MOB1A: variants seen among roughly 807,000 people sequenced by gnomAD.
MOB1A encodes the protein MOB1 Mps One Binder homolog A.
MOB1A carries 10 observed loss-of-function variants against 25.1 expected under a neutral mutation model. That is an observed-to-expected ratio of 0.40 (90% CI 0.25 to 0.68). MOB1A has a LOEUF of 0.68. Among genes scored for constraint, MOB1A ranks in the 30% least tolerant of loss-of-function variants. The probability of loss-of-function intolerance (pLI) is 0.40; values close to 1 mark genes in which losing one functional copy is unlikely to be tolerated. For synonymous variants in MOB1A, 81 were observed against 79.5 expected (o/e 1.02, Z -0.10); for missense variants, 177 against 256.3 (o/e 0.69, Z 2.11).
chr2:74,166,797 C>T (rs1315016742), intron 3 of MOB1A, among the ~76,000 whole-genome samples: 1 of 152,192 alleles, frequency 6.6e-6, no homozygotes, highest in Non-Finnish European at 1.5e-5. Context: ...GGATCACACA[C>T]TGCAATCCAG....
chr2:74,172,629 C>A lies in MOB1A; in HGVS notation c.138G>T (p.Met46Ile). 6.2e-7 allele frequency: 1 copy of A among 1,613,946 alleles called. No homozygotes were observed. Among genetic ancestry groups the A allele is most frequent in the Non-Finnish European group, 8.5e-7 (1 of 1,179,854 alleles). ...CATTGAGATCCTCTCCCTCAGGCAA[C>A]ATAACAGCTTGTCTCAGATTCCCAC... Reference protein sequence around the residue: ...LGSGNLRQAVMLPEGEDLNEW... With the variant: ...LGSGNLRQAVILPEGEDLNEW... The change falls in exon 2 of 6, where the codon ATG becomes ATT. Residue 46 changes from methionine (M) to isoleucine (I), a missense_variant. Met to Ile is a conservative substitution (Grantham distance 10). Coordinates refer to ENST00000396049, the MANE Select transcript of MOB1A (RefSeq NM_018221.5).
chr2:74,157,757 A>G, intron 5 of MOB1A, among the ~76,000 whole-genome samples: 1 of 152,188 alleles, frequency 6.6e-6, no homozygotes, highest in South Asian at 2.1e-4. Flanking sequence ...AGTAGGATAA[A>G]GGGAGTTTGT....
At chr2:74,163,332 A>C (rs190127346) in intron 4 of MOB1A, among the ~76,000 whole-genome samples, 3 of 152,342 alleles carry the variant, frequency 2.0e-5, no homozygotes, top group Admixed American at 6.5e-5. Flanking sequence ...TAATTATAAA[A>C]TTTAAATAAA....
intron 4 of MOB1A, among the ~76,000 whole-genome samples, chr2:74,162,401 A>G (rs1692997838): frequency 6.6e-6 from 1 of 152,102 alleles, no homozygotes. Context: ...GAATCGCTTC[A>G]ACCCAGGAAG....
At chr2:74,168,842 AAAC>A (rs1346775347) in intron 2 of MOB1A, among the ~76,000 whole-genome samples, 1 of 152,198 alleles carries the variant, frequency 6.6e-6, no homozygotes, top group African/African-American at 2.4e-5. Context: ...TATTCACTCA[AAAC>A]AAAAAATATG....
intron 1 of MOB1A, among the ~76,000 whole-genome samples, chr2:74,175,044 C>T (rs1358600666): frequency 1.3e-5 from 2 of 152,214 alleles, no homozygotes; most frequent in African/African-American, 4.8e-5. Flanking sequence ...AGCAGCAAAG[C>T]TTCATCTGTA....
rs116785303 is a variant in MOB1A at position 74,170,957 on chromosome 2, A to G, written c.181+1629T>C. On this transcript the variant is annotated intron_variant, in intron 2 of 5. Coordinates refer to ENST00000396049, the MANE Select transcript of MOB1A (RefSeq NM_018221.5). ...CTTTGGATCCTGATTTAAACAAAGC[A>G]TAGATTTTTAAAGCAAAAAAATTTT... Among the ~76,000 whole-genome samples the G allele has an allele frequency of 5.5e-3, 840 of 152,186 alleles. 7 individuals carry two copies. The highest frequency in any genetic ancestry group is 0.018 in the African/African-American group (756 of 41,528).
chr2:74,162,465 G>C (rs566342201), intron 4 of MOB1A, among the ~76,000 whole-genome samples: 5 of 152,252 alleles, frequency 3.3e-5, no homozygotes, highest in Admixed American at 1.3e-4. Flanking sequence ...CTGGGTGACA[G>C]AGTGAGACCC....
At chr2:74,167,496 G>A (rs777331569) in intron 2 of MOB1A, among the ~76,000 whole-genome samples, 5 of 152,066 alleles carry the variant, frequency 3.3e-5, no homozygotes, top group Non-Finnish European at 7.4e-5. Context: ...TGATCCACTC[G>A]CATGTAACAG....
rs58496712 is a variant in MOB1A, at chr2:74,176,083, TACACACACACACAC to T, written c.14+2564_14+2577del. 1.4e-3 allele frequency among the ~76,000 whole-genome samples: 179 copies of T among 129,222 alleles called. 1 individual carries two copies. Among genetic ancestry groups the T allele is most frequent in the East Asian group, 8.1e-3 (31 of 3,812 alleles). 84.8% of individuals were successfully genotyped at this position (129,222 alleles called of 152,430 possible). On this transcript the variant is annotated intron_variant, in intron 1 of 5. Transcript: ENST00000396049. Reference sequence around the variant, plus strand: ...CAACATAGTGAAACCCCGCCTCTACTACACACACACACACACACACACACACACACACACACACA... The same window carrying T: ...CAACATAGTGAAACCCCGCCTCTACTACACACACACACACACACACACACA...
At chr2:74,158,001 G>A (rs1692849605) in intron 5 of MOB1A, among the ~76,000 whole-genome samples, 1 of 151,800 alleles carries the variant, frequency 6.6e-6, no homozygotes, top group African/African-American at 2.4e-5. Context: ...AGCCAACATG[G>A]TGAAACCCCA....
intron 2 of MOB1A, among the ~76,000 whole-genome samples, chr2:74,170,181 G>A (rs538955727): frequency 9.2e-5 from 14 of 151,704 alleles, no homozygotes; most frequent in East Asian, 2.0e-4. Context: ...TTGCTCTGTC[G>A]CCCAGGCTAT....
intron 1 of MOB1A, 142 bp from the exon 2 acceptor site, chr2:74,172,894 G>T: frequency 2.3e-6 from 2 of 860,736 alleles, no homozygotes; most frequent in Non-Finnish European, 3.6e-6. Flanking sequence ...GCTCATGCCT[G>T]TAATCCCAGC....
intron 1 of MOB1A, among the ~76,000 whole-genome samples, chr2:74,174,360 C>A (rs1693391653): frequency 6.6e-6 from 1 of 151,818 alleles, no homozygotes; most frequent in East Asian, 1.9e-4. Flanking sequence ...ATTTGAGAGA[C>A]CAAGGCAGGA....
At chr2:74,170,460 G>GT (rs1388256926) in intron 2 of MOB1A, among the ~76,000 whole-genome samples, 6 of 150,934 alleles carry the variant, frequency 4.0e-5, no homozygotes, top group Admixed American at 1.3e-4. Flanking sequence ...TTTAAAAAAG[G>GT]TTTTTTTTTG....
rs1231071973 is a variant in MOB1A at position 74,153,167 on chromosome 2, G to A, written c.*3401C>T. ...TTCAGGTGAGGGTTTCATACTGACA[G>A]GAGGCAGGCTCCTAAAACAAGGCGG... On this transcript the variant is annotated 3_prime_UTR_variant, in exon 6 of 6. Transcript: ENST00000396049. The A allele has an allele frequency of 6.6e-6, 1 of 152,210 alleles. No individual in the cohort carries two copies. Among genetic ancestry groups the A allele is most frequent in the Non-Finnish European group, 1.5e-5 (1 of 68,052 alleles). 9.4% of individuals were successfully genotyped at this position (152,210 alleles called of 1,614,324 possible).
chr2:74,178,182 T>C (rs1693531255), intron 1 of MOB1A: 1 of 152,696 alleles, frequency 6.5e-6, no homozygotes, highest in African/African-American at 2.4e-5. Flanking sequence ...GACAGAACGA[T>C]CCGACTCCAA....
intron 5 of MOB1A, among the ~76,000 whole-genome samples, chr2:74,158,822 C>T (rs1692877198): frequency 1.4e-5 from 2 of 147,512 alleles, no homozygotes; most frequent in Non-Finnish European, 3.0e-5. Context: ...TAAGGGTCCA[C>T]AAAGCAACAG....
intron 1 of MOB1A, among the ~76,000 whole-genome samples, chr2:74,174,110 C>A (rs201864061): frequency 0.018 from 1,709 of 94,312 alleles, 26 homozygotes; most frequent in African/African-American, 0.098. Flanking sequence ...CACTAAAAAA[C>A]AAGTACAAAA....
Sources: allele counts gnomAD v4.1 joint callset (sites outside exome capture counted in the v4.1 genomes callset), GRCh38; gene constraint gnomAD v4.1.1; transcripts MANE v1.5; gene names NCBI Gene and HGNC (gene_info 2026-07-23, HGNC 2026-07-21).